CSMD1: variants seen among roughly 807,000 people sequenced by gnomAD.
CSMD1 encodes CUB and sushi domain-containing protein 1.
Under a neutral mutation model 417.5 loss-of-function variants are expected in CSMD1, and 213 were observed. That is an observed-to-expected ratio of 0.51 (90% CI 0.46 to 0.57). The LOEUF (loss-of-function observed/expected upper bound fraction) is 0.57. Among genes scored for constraint, CSMD1 ranks in the 20% least tolerant of loss-of-function variants. CSMD1 has a pLI of 0.00. For synonymous variants in CSMD1, 2,862 were observed against 1,736.8 expected, an observed-to-expected ratio of 1.65 and a Z score of -16.11; for missense variants, 6,923 against 4,529.7, an observed-to-expected ratio of 1.53 and a Z score of -15.17.
intron 3 of CSMD1, among the ~76,000 whole-genome samples, chr8:4,230,105 C>G (rs987698820): frequency 1.3e-5 from 2 of 152,126 alleles, no homozygotes; most frequent in Non-Finnish European, 2.9e-5. Context: ...GCCTTATAAA[C>G]CTTTTTCTAA....
chr8:4,564,015 T>C (rs184009921), intron 2 of CSMD1, among the ~76,000 whole-genome samples: 74 of 152,330 alleles, frequency 4.9e-4, no homozygotes, highest in African/African-American at 1.6e-3. Flanking sequence ...GTTACGCCCA[T>C]GGAGTTGCAA....
intron 21 of CSMD1, among the ~76,000 whole-genome samples, chr8:3,349,355 G>T (rs535634236): frequency 6.6e-6 from 1 of 152,110 alleles, no homozygotes; most frequent in Non-Finnish European, 1.5e-5. Flanking sequence ...CCACTTGCCA[G>T]CAGGAAGTTG....
intron 5 of CSMD1, among the ~76,000 whole-genome samples, chr8:3,786,277 T>C (rs928943091): frequency 2.0e-5 from 3 of 151,986 alleles, no homozygotes; most frequent in African/African-American, 7.3e-5. Flanking sequence ...TACATGGGCA[T>C]GGAGGTTAGA....
At chr8:3,162,664 A>G (rs530848725) in intron 37 of CSMD1, among the ~76,000 whole-genome samples, 3 of 152,104 alleles carry the variant, frequency 2.0e-5, no homozygotes, top group Non-Finnish European at 4.4e-5. Context: ...AAGCATACTT[A>G]GCAGTCTTTA....
At chr8:4,940,867 G>A (rs891210644) in intron 1 of CSMD1, among the ~76,000 whole-genome samples, 36 of 152,104 alleles carry the variant, frequency 2.4e-4, no homozygotes, top group African/African-American at 7.7e-4. Context: ...GTTAAAAATT[G>A]TTTTTTCTTC....
At chr8:4,693,270 T>C (rs756359716) in intron 1 of CSMD1, among the ~76,000 whole-genome samples, 2 of 152,208 alleles carry the variant, frequency 1.3e-5, no homozygotes, top group Non-Finnish European at 2.9e-5. Flanking sequence ...AGTTCAAGGT[T>C]CATGGAGAGG....
intron 41 of CSMD1, among the ~76,000 whole-genome samples, chr8:3,130,477 C>T (rs1003691106): frequency 6.6e-6 from 1 of 152,108 alleles, no homozygotes; most frequent in African/African-American, 2.4e-5. Flanking sequence ...TCATTCTCTG[C>T]ATGTAAGCAA....
chr8:3,672,582 T>A (rs1471245450), intron 7 of CSMD1, among the ~76,000 whole-genome samples: 1 of 152,230 alleles, frequency 6.6e-6, no homozygotes, highest in Admixed American at 6.5e-5. Flanking sequence ...GGATTCCCAA[T>A]AATGTGTTTA....
chr8:3,916,202 G>C (rs558804536), intron 5 of CSMD1, among the ~76,000 whole-genome samples: 2 of 152,198 alleles, frequency 1.3e-5, no homozygotes, highest in African/African-American at 2.4e-5. Context: ...ATGAAGTAGA[G>C]ACTTCCAGAT....
chr8:4,179,871 C>T (rs1798258282), intron 3 of CSMD1, among the ~76,000 whole-genome samples: 1 of 152,138 alleles, frequency 6.6e-6, no homozygotes, highest in Admixed American at 6.5e-5. Flanking sequence ...ACCAAAACCA[C>T]AATGAGATAC....
intron 5 of CSMD1, among the ~76,000 whole-genome samples, chr8:3,943,805 C>T (rs1475155585): frequency 6.6e-6 from 1 of 151,942 alleles, no homozygotes; most frequent in Non-Finnish European, 1.5e-5. Flanking sequence ...AATAATTGGC[C>T]CTTACTCTCC....
intron 5 of CSMD1, among the ~76,000 whole-genome samples, chr8:3,831,245 A>G (rs567174616): frequency 4.2e-4 from 64 of 152,326 alleles, no homozygotes; most frequent in African/African-American, 1.5e-3. Context: ...CAAAGTTTTG[A>G]GAGAATACTG....
chr8:3,833,268 G>C (rs760313249), intron 5 of CSMD1, among the ~76,000 whole-genome samples: 13 of 151,874 alleles, frequency 8.6e-5, no homozygotes, highest in Non-Finnish European at 1.6e-4. Flanking sequence ...TCTGCATTTT[G>C]TCATTACAAC....
chr8:3,590,557 T>C (rs150760713), intron 8 of CSMD1, among the ~76,000 whole-genome samples: 1 of 152,186 alleles, frequency 6.6e-6, no homozygotes, highest in Non-Finnish European at 1.5e-5. Flanking sequence ...TCATATTCAG[T>C]ACATTGAGAG....
At chr8:4,373,132 C>G (rs1285152292) in intron 3 of CSMD1, among the ~76,000 whole-genome samples, 1 of 152,150 alleles carries the variant, frequency 6.6e-6, no homozygotes, top group Non-Finnish European at 1.5e-5. Context: ...AGAAAAACAT[C>G]AGACACCTCC....
intron 1 of CSMD1, among the ~76,000 whole-genome samples, chr8:4,885,363 C>A (rs923480706): frequency 6.6e-6 from 1 of 152,004 alleles, no homozygotes; most frequent in Admixed American, 6.6e-5. Context: ...AAACCTCTAG[C>A]ACAATGTTGA....
Position 3,814,343 on chromosome 8 carries a change from A to G in CSMD1, c.819-60301T>C, listed in dbSNP as rs549549087. On this transcript the variant is annotated intron_variant, in intron 5 of 69. Coordinates refer to ENST00000635120, the MANE Select transcript of CSMD1 (RefSeq NM_033225.6). ...CAAACCAGAGCCAGTTATCTGACCA[A>G]GGACATCTTTGACTCTAGATGGCTT... is the stretch of plus-strand genomic sequence containing the variant. 2.0e-5 allele frequency among the ~76,000 whole-genome samples: 3 copies of G among 152,298 alleles called. No individual in the cohort carries two copies. The South Asian group carries it at 6.2e-4, about 32-fold the overall frequency.
intron 21 of CSMD1, among the ~76,000 whole-genome samples, chr8:3,352,310 C>CT (rs1284110462): frequency 3.3e-5 from 5 of 152,156 alleles, no homozygotes; most frequent in African/African-American, 1.2e-4. Context: ...AGGGAATGCC[C>CT]TAAAACAGTT....
At position 3,434,920 on chromosome 8, in the gene CSMD1, A is replaced by T. The variant is rs939351205; in HGVS notation, c.1562-25315T>A. Reference sequence around the variant, plus strand: ...TACTTGTGATTGGTTTAAGTCAACTATCACGGGCTAGTCAGCACAGTTCCC... The same window carrying T: ...TACTTGTGATTGGTTTAAGTCAACTTTCACGGGCTAGTCAGCACAGTTCCC... On this transcript the variant is annotated intron_variant, in intron 12 of 69. Transcript: ENST00000635120. Among the ~76,000 whole-genome samples the T allele has an allele frequency of 2.0e-5, 3 of 152,360 alleles. No homozygotes were observed. In the South Asian group the frequency reaches 6.2e-4, roughly 32 times the overall value.
Sources: gnomAD v4.1 joint callset for allele counts (sites outside exome capture counted in the v4.1 genomes callset) on GRCh38, gnomAD v4.1.1 for gene constraint, MANE v1.5 for transcripts, NCBI Gene and HGNC (gene_info 2026-07-23, HGNC 2026-07-21) for gene names.